Variants in SPG7 observed in about 807,000 individuals in gnomAD.
The protein encoded by SPG7 is mitochondrial inner membrane m-AAA protease component paraplegin.
Under a neutral mutation model 81.9 loss-of-function variants are expected in SPG7, and 103 were observed. The ratio of observed to expected loss-of-function variants is 1.26; its 90% CI spans 1.07 to 1.48. The LOEUF (loss-of-function observed/expected upper bound fraction) is 1.48, where lower values mean the gene tolerates loss of function less well. Among genes scored for constraint, SPG7 ranks in the 40% most tolerant of loss-of-function variants. The pLI is 0.00. For synonymous variants in SPG7, 534 were observed against 444.2 expected (o/e 1.20, Z -2.54); for missense variants, 1,241 against 1,087.3 (o/e 1.14, Z -1.99).
At chr16:89,513,219 A>G (rs1026105825) in intron 3 of SPG7, among the ~76,000 whole-genome samples, 182 bp downstream of exon 3, 3 of 152,156 alleles carry the variant, frequency 2.0e-5, no homozygotes, top group Non-Finnish European at 4.4e-5. Context: ...GGCCTATACC[A>G]CATAGCGAGA....
intron 3 of SPG7, among the ~76,000 whole-genome samples, chr16:89,515,503 G>A (rs560842642): frequency 1.3e-4 from 20 of 149,862 alleles, no homozygotes; most frequent in Admixed American, 2.0e-4. Flanking sequence ...TCCTGACCTC[G>A]TGATCTCCCC....
Position 89,530,747 on chromosome 16 carries a change from A to G in SPG7, c.926A>G (p.Lys309Arg). The G allele has an allele frequency of 1.2e-6, 2 of 1,614,190 alleles. No individual in the cohort carries two copies. The highest frequency in any genetic ancestry group is 1.7e-6 in the Non-Finnish European group (2 of 1,180,036). The part of the protein sequence containing the change: ...DGKMGKGVSF[K>R]DVAGMHEAKL... ...AAGATGGGGAAAGGAGTCAGCTTCA[A>G]AGACGTGGCAGGAATGCACGAAGCC... is the stretch of plus-strand genomic sequence containing the variant. The change falls in exon 7 of 17, where the codon AAA becomes AGA. Residue 309 changes from lysine to arginine, a missense_variant. Transcript: ENST00000645818.
At position 89,508,480 on chromosome 16, in the gene SPG7, G is replaced by A. The variant is rs932959782; in HGVS notation, c.63G>A (p.Pro21=). 4.6e-6 allele frequency: 7 copies of A among 1,508,764 alleles called. No individual in the cohort carries two copies. The highest frequency in any genetic ancestry group is 1.2e-5 in the South Asian group (1 of 81,380). The allele number at this position is 1,508,764 out of a possible 1,614,324, so 93.5% of individuals were successfully genotyped here. The part of the protein sequence containing the change: ...LRRGPGPGPR[P]LWGPGPAWSP... ...GGGGTCCAGGCCCGGGTCCTCGGCC[G>A]CTGTGGGGCCCAGGCCCGGCCTGGA... The change falls in exon 1 of 17, where the codon CCG becomes CCA. Residue 21 remains proline (P), a synonymous_variant. Coordinates refer to ENST00000645818, the MANE Select transcript of SPG7 (RefSeq NM_003119.4).
Position 89,557,346 on chromosome 16 carries a change from A to G in SPG7, c.*253A>G, listed in dbSNP as rs2058697692. The G allele has an allele frequency of 1.9e-6, 1 of 534,850 alleles. No individual in the cohort carries two copies. Among genetic ancestry groups the G allele is most frequent in the Non-Finnish European group, 3.4e-6 (1 of 296,214 alleles). The allele number at this position is 534,850 out of a possible 1,614,324, so 33.1% of individuals were successfully genotyped here. A position where few individuals can be genotyped will look rare whatever the true frequency, so the allele number is the denominator to read the frequency against. ...GGTTATCAGTGCTTCCCGAGTGAGC[A>G]TGGAACACTTCGAGTTCCCAGGGTT... On this transcript the variant is annotated 3_prime_UTR_variant, in exon 17 of 17. Transcript: ENST00000645818.
intron 12 of SPG7, chr16:89,549,476 C>T (rs368973416): frequency 5.7e-4 from 200 of 350,092 alleles, no homozygotes; most frequent in African/African-American, 4.1e-3. Context: ...CTGGGCAATA[C>T]AGCAAGACCC....
chr16:89,517,580 T>G (rs947406049), intron 3 of SPG7: 3 of 151,836 alleles, frequency 2.0e-5, no homozygotes, highest in Admixed American at 6.6e-5. Context: ...GTAGCTGACA[T>G]GCGTGTCTCT....
intron 7 of SPG7, 172 bp downstream of exon 7, chr16:89,530,980 C>T: frequency 1.2e-6 from 1 of 827,094 alleles, no homozygotes; most frequent in Non-Finnish European, 2.0e-6. Context: ...GTTCAACCAG[C>T]AGCACAAGCC....
At chr16:89,537,386 G>A in intron 9 of SPG7, 1 of 1,102,458 alleles carries the variant, frequency 9.1e-7, no homozygotes, top group Middle Eastern at 4.2e-4. Flanking sequence ...GGGAGCGTCG[G>A]CGCTGACCAC....
chr16:89,529,204 A>G (rs2058307995), intron 5 of SPG7: 1 of 514,800 alleles, frequency 1.9e-6, no homozygotes, highest in Non-Finnish European at 3.5e-6. Flanking sequence ...AAATAGAAAA[A>G]CCTGAACGTT....
At position 89,543,347 on chromosome 16, in the gene SPG7, C is replaced by CTTTTTTTTTTTTTTTT. The variant is rs57995524; in HGVS notation, c.1325-1299_1325-1284dup. The CTTTTTTTTTTTTTTTT allele has an allele frequency of 3.9e-4, 42 of 108,978 alleles. 2 individuals are homozygous for CTTTTTTTTTTTTTTTT. The highest frequency in any genetic ancestry group is 6.3e-4 in the African/African-American group (18 of 28,440). 6.8% of individuals were successfully genotyped at this position (108,978 alleles called of 1,614,324 possible). On this transcript the variant is annotated intron_variant, in intron 9 of 16. Coordinates refer to ENST00000645818, the MANE Select transcript of SPG7 (RefSeq NM_003119.4). ...AACACTGTTTATTGTGGACCTTTTC[C>CTTTTTTTTTTTTTTTT]TTTTTTTTTTTTTTTTTGAGAGTCT...
rs1000415398 is a variant in SPG7, at chr16:89,537,253, C to T, written c.1324+4617C>T. 17 of 1,395,174 alleles carry T rather than the reference C, an allele frequency of 1.2e-5. No individual in the cohort carries two copies. In the South Asian group the frequency reaches 2.5e-4, roughly 21 times the overall value. The allele number at this position is 1,395,174 out of a possible 1,614,324, so 86.4% of individuals were successfully genotyped here. A position where few individuals can be genotyped will look rare whatever the true frequency, so the allele number is the denominator to read the frequency against. On this transcript the variant is annotated intron_variant, in intron 9 of 16. Transcript: ENST00000645818. ...GCCCAAGCCTTGTTGGTTACGTCAG[C>T]CGGTCCATGGCGGTGTCCTGCGGAC...
At chr16:89,514,138 C>G (rs2058059016) in intron 3 of SPG7, among the ~76,000 whole-genome samples, 1 of 152,002 alleles carries the variant, frequency 6.6e-6, no homozygotes, top group South Asian at 2.1e-4. Flanking sequence ...GCGTTTCTGG[C>G]TTTAGGCTCA....
At chr16:89,534,310 C>T (rs463930) in intron 9 of SPG7, among the ~76,000 whole-genome samples, 68,350 of 151,964 alleles carry the variant, frequency 0.45, 15,752 homozygotes, top group East Asian at 0.67. Context: ...CTAGGGGCCA[C>T]CTGTACTGGG....
At chr16:89,545,734 A>G (rs1277172270) in intron 10 of SPG7, 1 of 290,216 alleles carries the variant, frequency 3.4e-6, no homozygotes, top group Non-Finnish European at 6.8e-6. Flanking sequence ...AACATTTTAC[A>G]TCAGGATTTA....
intron 11 of SPG7, 83 bp from the exon 12 acceptor site, chr16:89,547,920 T>C (rs1210414531): frequency 1.2e-5 from 12 of 1,042,602 alleles, no homozygotes; most frequent in Non-Finnish European, 1.7e-5. Flanking sequence ...GCCATCTTTG[T>C]TCTCCCTTGA....
chr16:89,552,094 T>A (rs1370969256), intron 13 of SPG7: 1 of 152,212 alleles, frequency 6.6e-6, no homozygotes, highest in African/African-American at 2.4e-5. Context: ...TCTCTCTCTC[T>A]GTTGCCCAGA....
chr16:89,545,408 G>T (rs1267088988), intron 10 of SPG7: 1 of 199,196 alleles, frequency 5.0e-6, no homozygotes, highest in Non-Finnish European at 1.0e-5. Flanking sequence ...TGTTCCATCA[G>T]TGCAGCCTGG....
In SPG7 at chr16:89,532,473, T is replaced by C; in HGVS notation, c.1161T>C (p.Ala387=). The C allele has an allele frequency of 6.2e-7, 1 of 1,613,458 alleles. No individual in the cohort carries two copies. Among genetic ancestry groups the C allele is most frequent in the South Asian group, 1.1e-5 (1 of 91,084 alleles). ...EFVEVIGGLG[A]ARVRSLFKEA... ...TCTGTGTCCCCTCAGGCCTCGGCGC[T>C]GCCCGTGTGCGGAGCCTCTTTAAGG... is the stretch of plus-strand genomic sequence containing the variant. Residue 387 remains alanine, a synonymous_variant, in exon 9 of 17, where the codon GCT becomes GCC. Coordinates refer to ENST00000645818, the MANE Select transcript of SPG7 (RefSeq NM_003119.4).
At chr16:89,544,859 C>A in intron 10 of SPG7, 87 bp downstream of exon 10, 2 of 1,531,160 alleles carry the variant, frequency 1.3e-6, no homozygotes, top group Non-Finnish European at 1.8e-6. Context: ...TAAGACACTT[C>A]TTGGTGTGAA....
Sources: gnomAD v4.1 joint callset for allele counts (sites outside exome capture counted in the v4.1 genomes callset) on GRCh38, gnomAD v4.1.1 for gene constraint, MANE v1.5 for transcripts, NCBI Gene and HGNC (gene_info 2026-07-23, HGNC 2026-07-21) for gene names.